Variants in ATP8A1 observed in about 807,000 individuals in gnomAD.
The protein encoded by ATP8A1 is ATPase phospholipid transporting 8A1, also known as phospholipid-transporting ATPase IA.
ATP8A1 carries 90 observed loss-of-function variants against 177.7 expected under a neutral mutation model. That is an observed-to-expected ratio of 0.51 (90% CI 0.43 to 0.60). ATP8A1 has a LOEUF of 0.60. Ranked by LOEUF, ATP8A1 falls within the 20% of genes least tolerant of loss-of-function variation. The pLI is 0.00. For synonymous variants in ATP8A1, 493 were observed against 485.9 expected (o/e 1.01, Z -0.19); for missense variants, 1,072 against 1,392.8 (o/e 0.77, Z 3.67).
At chr4:42,413,542 A>G (rs75556921) in intron 36 of ATP8A1, among the ~76,000 whole-genome samples, 4,274 of 152,338 alleles carry the variant, frequency 0.028, 81 homozygotes, top group South Asian at 0.089. Flanking sequence ...TTTATATAAA[A>G]TGGCACAGTA....
In ATP8A1 at chr4:42,628,554, T is replaced by C. The variant is rs576890039; in HGVS notation, c.50-1445A>G. Among the ~76,000 whole-genome samples, 3 of 152,182 alleles carry C rather than the reference T, an allele frequency of 2.0e-5. No individual in the cohort carries two copies. In the South Asian group the frequency reaches 6.2e-4, roughly 32 times the overall value. ...GAGGCACATTGTATCCTTATCACCCTGGAGGTCACATGGCTCCGAGTAGAT... is the reference window on the plus strand; with the variant it reads ...GAGGCACATTGTATCCTTATCACCCCGGAGGTCACATGGCTCCGAGTAGAT... On this transcript the variant is annotated intron_variant, in intron 1 of 36. Coordinates refer to ENST00000381668, the MANE Select transcript of ATP8A1 (RefSeq NM_006095.2).
intron 24 of ATP8A1, among the ~76,000 whole-genome samples, chr4:42,503,181 T>C (rs1032049991): frequency 6.6e-6 from 1 of 152,224 alleles, no homozygotes; most frequent in Non-Finnish European, 1.5e-5. Context: ...CAGCAACCTC[T>C]TGACATAATG....
chr4:42,549,164 C>A, intron 18 of ATP8A1, 102 bp from the exon 19 acceptor site: 1 of 907,706 alleles, frequency 1.1e-6, no homozygotes, highest in Non-Finnish European at 1.7e-6. Flanking sequence ...AATGCCAACA[C>A]AAACAAATTT....
intron 4 of ATP8A1, among the ~76,000 whole-genome samples, chr4:42,620,604 T>C (rs1220970168): frequency 1.3e-5 from 2 of 151,766 alleles, no homozygotes; most frequent in African/African-American, 2.4e-5. Context: ...AAGGCAGGAG[T>C]CTGGAGCCAA....
At chr4:42,496,891 A>G (rs1036760841) in intron 24 of ATP8A1, among the ~76,000 whole-genome samples, 1 of 152,172 alleles carries the variant, frequency 6.6e-6, no homozygotes, top group South Asian at 2.1e-4. Context: ...AAAATTAAAT[A>G]TGAGGTCTTT....
rs190084279 is a variant in ATP8A1, at chr4:42,452,025, T to C, written c.2852A>G (p.His951Arg). 1.2e-6 allele frequency: 2 copies of C among 1,613,122 alleles called. No individual in the cohort carries two copies. Among genetic ancestry groups the C allele is most frequent in the Non-Finnish European group, 1.7e-6 (2 of 1,179,502 alleles). ...FWVHCLNGLFHSVILFWFPLK... is the reference protein window; with the variant it reads ...FWVHCLNGLFRSVILFWFPLK... ...TGGAAACCAAAACAGAATAACTGAGTGGAAGAGGCCATTTAAACAATGAAC... is the reference window on the plus strand; with the variant it reads ...TGGAAACCAAAACAGAATAACTGAGCGGAAGAGGCCATTTAAACAATGAAC... The change falls in exon 30 of 37, where the codon CAC (histidine) becomes CGC (arginine). Residue 951 changes from histidine to arginine, a missense_variant. By Grantham distance (29) the His-to-Arg change is conservative (BLOSUM62 0). This residue lies in a region of ATP8A1 where 316 missense variants were observed against 459.1 expected (regional missense o/e 0.69). Coordinates refer to ENST00000381668, the MANE Select transcript of ATP8A1 (RefSeq NM_006095.2).
intron 20 of ATP8A1, among the ~76,000 whole-genome samples, chr4:42,532,545 T>C (rs912665936): frequency 6.6e-6 from 1 of 151,932 alleles, no homozygotes; most frequent in Non-Finnish European, 1.5e-5. Context: ...CCCCACTGGA[T>C]TGGAATAATA....
chr4:42,531,740 C>T (rs1028145291), intron 20 of ATP8A1, among the ~76,000 whole-genome samples: 1 of 152,002 alleles, frequency 6.6e-6, no homozygotes, highest in African/African-American at 2.4e-5. Flanking sequence ...AATCAATGTA[C>T]AAAAATCAGT....
intron 15 of ATP8A1, among the ~76,000 whole-genome samples, chr4:42,565,906 A>T (rs1731296589): frequency 6.6e-6 from 1 of 152,250 alleles, no homozygotes; most frequent in Non-Finnish European, 1.5e-5. Context: ...CAAAGTATTG[A>T]TACTATCAAT....
In ATP8A1 at chr4:42,452,031, AG is replaced by A. The variant is rs1717983524; in HGVS notation, c.2845del (p.Leu949SerfsTer12). On this transcript the variant is annotated frameshift_variant, in exon 30 of 37. Coordinates refer to ENST00000381668, the MANE Select transcript of ATP8A1 (RefSeq NM_006095.2). LOFTEE classifies it high-confidence loss of function. ...CCAAAACAGAATAACTGAGTGGAAG[AG>A]GCCATTTAAACAATGAACCCAGAAA... ...KVFWVHCLNG[L>X]FHSVILFWFP... 6.2e-7 allele frequency: 1 copy of A among 1,613,164 alleles called. No homozygotes were observed. The highest frequency in any genetic ancestry group is 1.3e-5 in the African/African-American group (1 of 74,900).
At chr4:42,625,817 G>A in intron 2 of ATP8A1, 104 bp from the exon 3 acceptor site, 1 of 564,580 alleles carries the variant, frequency 1.8e-6, no homozygotes, top group Non-Finnish European at 3.0e-6. Flanking sequence ...AGGAACATTT[G>A]CCGGCTGTTT....
chr4:42,437,507 A>G (rs1716127732), intron 33 of ATP8A1, among the ~76,000 whole-genome samples: 2 of 152,362 alleles, frequency 1.3e-5, no homozygotes, highest in East Asian at 3.9e-4. Flanking sequence ...ATTTAAAGCG[A>G]CAGCCAAGTT....
At chr4:42,563,911 T>C (rs1206741506) in intron 15 of ATP8A1, among the ~76,000 whole-genome samples, 2 of 152,168 alleles carry the variant, frequency 1.3e-5, no homozygotes. Flanking sequence ...CCCAGCCAAC[T>C]GGGGAAACCC....
intron 1 of ATP8A1, among the ~76,000 whole-genome samples, chr4:42,638,828 C>T (rs554008884): frequency 2.6e-4 from 39 of 152,240 alleles, no homozygotes; most frequent in African/African-American, 8.4e-4. Flanking sequence ...TCTCAATTAG[C>T]TTAAAGCACC....
rs1736878079 is a variant in ATP8A1 at position 42,616,032 on chromosome 4, C to T, written c.409+1G>A. On this transcript the variant is annotated splice_donor_variant, in intron 5 of 36. Transcript: ENST00000381668. LOFTEE classifies it high-confidence loss of function. ...GAGAAAAAAGCATGTAAAATTCCTACCTTGCGTTTGTTTCTTGTTCACTGC... is the reference window on the plus strand; with the variant it reads ...GAGAAAAAAGCATGTAAAATTCCTATCTTGCGTTTGTTTCTTGTTCACTGC... 1 of 1,611,304 alleles carries T rather than the reference C, an allele frequency of 6.2e-7. No individual in the cohort carries two copies. The highest frequency in any genetic ancestry group is 1.7e-5 in the Admixed American group (1 of 59,678).
At chr4:42,559,424 G>A (rs573234722) in intron 15 of ATP8A1, among the ~76,000 whole-genome samples, 4 of 152,290 alleles carry the variant, frequency 2.6e-5, no homozygotes, top group African/African-American at 9.6e-5. Flanking sequence ...ACCTCATAAT[G>A]AGAGAGGTGA....
At chr4:42,578,135 C>A (rs1732660354) in intron 12 of ATP8A1, 125 bp downstream of exon 12, 13 of 953,516 alleles carry the variant, frequency 1.4e-5, no homozygotes, top group Non-Finnish European at 1.6e-5. Flanking sequence ...AAATTAGGTT[C>A]AAAAATCTGA....
chr4:42,501,974 G>A (rs1341340350), intron 24 of ATP8A1, among the ~76,000 whole-genome samples: 1 of 152,066 alleles, frequency 6.6e-6, no homozygotes, highest in Admixed American at 6.6e-5. Flanking sequence ...GAACTGCTAA[G>A]GAGACTTTTA....
At chr4:42,553,069 C>T (rs1729674106) in intron 16 of ATP8A1, among the ~76,000 whole-genome samples, 1 of 152,278 alleles carries the variant, frequency 6.6e-6, no homozygotes, top group African/African-American at 2.4e-5. Context: ...GGATTATAGC[C>T]AACTAAGAAG....
Sources: allele counts gnomAD v4.1 joint callset (sites outside exome capture counted in the v4.1 genomes callset), GRCh38; gene constraint gnomAD v4.1.1; regional missense constraint gnomAD v4.1.1; transcripts MANE v1.5; gene names NCBI Gene and HGNC (gene_info 2026-07-23, HGNC 2026-07-21).